Variants in LRRTM4 observed in about 807,000 individuals in gnomAD.
LRRTM4 encodes the protein leucine rich repeat transmembrane neuronal 4, also known as leucine-rich repeat transmembrane neuronal protein 4.
A neutral mutation model predicts 47.6 loss-of-function variants in LRRTM4; 25 were observed. The ratio of observed to expected loss-of-function variants is 0.53; its 90% CI spans 0.38 to 0.73. The LOEUF (loss-of-function observed/expected upper bound fraction) is 0.73. Ranked by LOEUF, LRRTM4 falls within the 30% of genes least tolerant of loss-of-function variation. The pLI is 0.00. For synonymous variants in LRRTM4, 311 were observed against 269.5 expected (o/e 1.15, Z -1.51); for missense variants, 638 against 713.4 (o/e 0.89, Z 1.20).
At chr2:77,207,225 A>G (rs1573076998) in intron 3 of LRRTM4, among the ~76,000 whole-genome samples, 2 of 131,562 alleles carry the variant, frequency 1.5e-5, no homozygotes, top group Non-Finnish European at 3.0e-5. Flanking sequence ...ATATACACAT[A>G]TGTGTATATA....
At chr2:76,928,811 G>A (rs769325235) in intron 3 of LRRTM4, among the ~76,000 whole-genome samples, 13 of 151,728 alleles carry the variant, frequency 8.6e-5, no homozygotes, top group Admixed American at 7.2e-4. Flanking sequence ...TTTACACTGT[G>A]AAAAAAAATT....
At chr2:76,978,300 G>C (rs929434165) in intron 3 of LRRTM4, among the ~76,000 whole-genome samples, 7 of 151,972 alleles carry the variant, frequency 4.6e-5, no homozygotes, top group Admixed American at 4.6e-4. Flanking sequence ...TCCATTAGCT[G>C]TTTGAAATTT....
chr2:77,226,784 G>C (rs1401164792), intron 3 of LRRTM4, among the ~76,000 whole-genome samples: 1 of 151,812 alleles, frequency 6.6e-6, no homozygotes, highest in East Asian at 1.9e-4. Flanking sequence ...AATGTAGTGG[G>C]GTAGCCTATT....
chr2:76,860,723 T>C (rs1324176644), intron 3 of LRRTM4, among the ~76,000 whole-genome samples: 2 of 152,132 alleles, frequency 1.3e-5, no homozygotes, highest in East Asian at 3.8e-4. Flanking sequence ...GAGATTTAAA[T>C]AGTGACTTAA....
At chr2:77,207,833 A>G (rs1052104510) in intron 3 of LRRTM4, among the ~76,000 whole-genome samples, 2 of 144,404 alleles carry the variant, frequency 1.4e-5, no homozygotes, top group Non-Finnish European at 3.0e-5. Context: ...CATACCAGAT[A>G]CTGGTAAATG....
At chr2:76,984,963 A>T (rs527737109) in intron 3 of LRRTM4, among the ~76,000 whole-genome samples, 1 of 152,166 alleles carries the variant, frequency 6.6e-6, no homozygotes, top group South Asian at 2.1e-4. Context: ...ATTTTTTCTG[A>T]AATTTGGGGA....
intron 3 of LRRTM4, among the ~76,000 whole-genome samples, chr2:77,381,551 G>T (rs1673051559): frequency 6.6e-6 from 1 of 151,982 alleles, no homozygotes; most frequent in Non-Finnish European, 1.5e-5. Flanking sequence ...TACAAAATCT[G>T]TAATCTCAGC....
At chr2:77,401,510 T>C (rs563945130) in intron 3 of LRRTM4, among the ~76,000 whole-genome samples, 3 of 152,076 alleles carry the variant, frequency 2.0e-5, no homozygotes, top group Non-Finnish European at 4.4e-5. Flanking sequence ...CTCTAGAATA[T>C]AAGCCATAGA....
chr2:76,964,421 A>G (rs1302988918), intron 3 of LRRTM4, among the ~76,000 whole-genome samples: 1 of 150,908 alleles, frequency 6.6e-6, no homozygotes, highest in East Asian at 2.0e-4. Context: ...ATACTATCAA[A>G]AGTCAGAGCA....
chr2:76,846,930 G>T (rs746636163), intron 3 of LRRTM4, among the ~76,000 whole-genome samples: 1 of 152,148 alleles, frequency 6.6e-6, no homozygotes, highest in Non-Finnish European at 1.5e-5. Context: ...TGAATAGTTT[G>T]TAATAGAGCT....
chr2:77,166,360 T>C (rs956395883), intron 3 of LRRTM4, among the ~76,000 whole-genome samples: 1 of 152,180 alleles, frequency 6.6e-6, no homozygotes, highest in South Asian at 2.1e-4. Flanking sequence ...GAATGAATTA[T>C]TGTGCAAATG....
chr2:76,932,685 T>C (rs4852422), intron 3 of LRRTM4, among the ~76,000 whole-genome samples: 2 of 151,524 alleles, frequency 1.3e-5, no homozygotes, highest in African/African-American at 4.9e-5. Flanking sequence ...TTTGTATATA[T>C]ATGACATGTT....
intron 3 of LRRTM4, among the ~76,000 whole-genome samples, chr2:77,341,313 C>A (rs993182698): frequency 6.6e-6 from 1 of 151,916 alleles, no homozygotes; most frequent in Non-Finnish European, 1.5e-5. Context: ...GAATCATGTT[C>A]TCTCTTGCTT....
At chr2:76,827,833 G>A (rs916175914) in intron 3 of LRRTM4, among the ~76,000 whole-genome samples, 1 of 151,650 alleles carries the variant, frequency 6.6e-6, no homozygotes, top group African/African-American at 2.4e-5. Flanking sequence ...TTTCTTCTAG[G>A]GAACTAGATG....
At chr2:76,972,773 C>T (rs1383000999) in intron 3 of LRRTM4, among the ~76,000 whole-genome samples, 2 of 151,908 alleles carry the variant, frequency 1.3e-5, no homozygotes, top group Admixed American at 6.6e-5. Context: ...TAAACACATC[C>T]ATAAATAAAA....
rs1404531150 is a variant in LRRTM4 at position 77,433,435 on chromosome 2, G to A, written c.1551+84883C>T. 3.3e-5 allele frequency among the ~76,000 whole-genome samples: 5 copies of A among 152,100 alleles called. No homozygotes were observed. The East Asian group carries it at 9.6e-4, about 29-fold the overall frequency. On this transcript the variant is annotated intron_variant, in intron 3 of 3. Transcript: ENST00000409884. ...TAACACTTTAAAATCAAAACGGATT[G>A]CCAAGTTCAGAGAAAGCTTATCTTC... is the stretch of plus-strand genomic sequence containing the variant.
intron 3 of LRRTM4, among the ~76,000 whole-genome samples, chr2:77,418,671 C>T (rs970283381): frequency 5.3e-5 from 8 of 152,180 alleles, no homozygotes; most frequent in African/African-American, 1.9e-4. Flanking sequence ...ACACGACTCC[C>T]TTGCTGTTAC....
chr2:77,353,064 A>T (rs891876203), intron 3 of LRRTM4, among the ~76,000 whole-genome samples: 2 of 152,254 alleles, frequency 1.3e-5, no homozygotes, highest in East Asian at 3.9e-4. Context: ...CACATGTGAT[A>T]AATGAAATTC....
intron 3 of LRRTM4, among the ~76,000 whole-genome samples, chr2:77,130,216 A>G (rs541279307): frequency 6.6e-6 from 1 of 152,314 alleles, no homozygotes; most frequent in South Asian, 2.1e-4. Flanking sequence ...ACTTCACACA[A>G]AAAGTATAAG....
Sources: gnomAD v4.1 joint callset for allele counts (sites outside exome capture counted in the v4.1 genomes callset) on GRCh38, gnomAD v4.1.1 for gene constraint, MANE v1.5 for transcripts, NCBI Gene and HGNC (gene_info 2026-07-23, HGNC 2026-07-21) for gene names.